NFKBID: variants seen among roughly 807,000 people sequenced by gnomAD.
The protein encoded by NFKBID is NFKB inhibitor delta, also known as NF-kappa-B inhibitor delta.
A neutral mutation model predicts 53.4 loss-of-function variants in NFKBID; 26 were observed. That is an observed-to-expected ratio of 0.49 (90% CI 0.36 to 0.68). NFKBID has a LOEUF of 0.68. NFKBID is among the 30% of genes least tolerant of loss of function. NFKBID has a pLI of 0.00. For synonymous variants in NFKBID, 262 were observed against 259.8 expected (o/e 1.01, Z -0.08); for missense variants, 493 against 614.1 (o/e 0.80, Z 2.08).
chr19:35,895,510 A>C (rs1171102295), intron 9 of NFKBID, among the ~76,000 whole-genome samples: 5 of 151,250 alleles, frequency 3.3e-5, no homozygotes, highest in South Asian at 4.2e-4. Context: ...ACAAACAAAC[A>C]AAAAAACCCT....
At chr19:35,892,901 C>T (rs1974870894) in intron 9 of NFKBID, among the ~76,000 whole-genome samples, 1 of 152,214 alleles carries the variant, frequency 6.6e-6, no homozygotes, top group African/African-American at 2.4e-5. Flanking sequence ...CACAGCAGCT[C>T]ACGCCTGTAA....
intron 9 of NFKBID, among the ~76,000 whole-genome samples, chr19:35,892,067 G>A (rs1974805908): frequency 6.6e-6 from 1 of 150,976 alleles, no homozygotes; most frequent in Non-Finnish European, 1.5e-5. Flanking sequence ...TGTTGTTGTT[G>A]AGAGACAGGG....
At position 35,900,517 on chromosome 19, in the gene NFKBID, C is replaced by T. The variant is rs535201912; in HGVS notation, c.-15G>A. On this transcript the variant is annotated 5_prime_UTR_variant, in exon 1 of 12. Transcript: ENST00000641389. ...CGCTGCGCCAGCCTCGCTGTTTCCC[C>T]CGCGGAGCCGCCGCCGGGTCCCCGA... is the stretch of plus-strand genomic sequence containing the variant. 5 of 1,231,828 alleles carry T rather than the reference C, an allele frequency of 4.1e-6. No individual in the cohort carries two copies. In the South Asian group the frequency reaches 2.1e-4, roughly 51 times the overall value. The allele number at this position is 1,231,828 out of a possible 1,614,324, so 76.3% of individuals were successfully genotyped here. A position where few individuals can be genotyped will look rare whatever the true frequency, so the allele number is the denominator to read the frequency against.
intron 9 of NFKBID, among the ~76,000 whole-genome samples, chr19:35,893,099 G>A (rs1250320669): frequency 6.6e-6 from 1 of 152,140 alleles, no homozygotes; most frequent in African/African-American, 2.4e-5. Context: ...AGGTCAGGAA[G>A]TCGAGGCTGC....
chr19:35,891,448 ATT>A (rs1314608633), intron 9 of NFKBID, among the ~76,000 whole-genome samples: 1 of 152,060 alleles, frequency 6.6e-6, no homozygotes, highest in Non-Finnish European at 1.5e-5. Context: ...TTGGATCTTG[ATT>A]TTTTTTAATG....
rs1974686909 is a variant in NFKBID at position 35,890,507 on chromosome 19, G to A, written c.1033-17C>T. Reference sequence around the variant, plus strand: ...CTTGATCTCCTGAGGGGAAGGGAATGGCAGAGGTCAGGGCCAGCCTCACAC... The same window carrying A: ...CTTGATCTCCTGAGGGGAAGGGAATAGCAGAGGTCAGGGCCAGCCTCACAC... On this transcript the variant is annotated splice_polypyrimidine_tract_variant and intron_variant, in intron 9 of 11. Transcript: ENST00000641389. 6.4e-7 allele frequency: 1 copy of A among 1,570,048 alleles called. No individual in the cohort carries two copies. Among genetic ancestry groups the A allele is most frequent in the Non-Finnish European group, 8.8e-7 (1 of 1,140,092 alleles).
At chr19:35,899,464 G>A (rs899290007) in intron 1 of NFKBID, among the ~76,000 whole-genome samples, 1 of 149,640 alleles carries the variant, frequency 6.7e-6, no homozygotes, top group Non-Finnish European at 1.5e-5. Context: ...TGAGGCAGGG[G>A]AAACACTTGA....
Position 35,900,635 on chromosome 19 carries a change from G to A in NFKBID, c.-133C>T, listed in dbSNP as rs1403334305. The A allele has an allele frequency of 4.9e-6, 6 of 1,228,928 alleles. No individual in the cohort carries two copies. In the South Asian group the frequency reaches 2.1e-4, roughly 43 times the overall value. The allele number at this position is 1,228,928 out of a possible 1,614,324, so 76.1% of individuals were successfully genotyped here. On this transcript the variant is annotated 5_prime_UTR_variant, in exon 1 of 12. Transcript: ENST00000641389. ...CGCCCACAGGCCTGGGAGTCCCCGG[G>A]TCGCGCTCCGGCGAACGCAGTCCCT...
At chr19:35,899,989 G>A (rs944801264) in intron 1 of NFKBID, among the ~76,000 whole-genome samples, 1 of 150,436 alleles carries the variant, frequency 6.6e-6, no homozygotes, top group Admixed American at 6.6e-5. Flanking sequence ...GGGCGGGGCA[G>A]AGGCAGGGTC....
intron 1 of NFKBID, among the ~76,000 whole-genome samples, chr19:35,900,149 A>G (rs1213332488): frequency 7.7e-6 from 1 of 130,208 alleles, no homozygotes; most frequent in Non-Finnish European, 1.6e-5. Flanking sequence ...AGCAACCCCT[A>G]GCACCTCCAA....
At chr19:35,900,352 C>T in intron 1 of NFKBID, 90 bp downstream of exon 1, 1 of 1,008,672 alleles carries the variant, frequency 9.9e-7, no homozygotes, top group Non-Finnish European at 1.3e-6. Flanking sequence ...ACTGACGCTT[C>T]AGCTCCGTCC....
At chr19:35,897,031 G>C in exon 5 of NFKBID, 1 of 1,604,238 alleles carries the variant, frequency 6.2e-7, no homozygotes, top group Non-Finnish European at 8.5e-7. Flanking sequence ...GGTCCTGAAG[G>C]GGGTGCAGAA....
chr19:35,891,792 G>A (rs1252192588), intron 9 of NFKBID, among the ~76,000 whole-genome samples: 3 of 152,174 alleles, frequency 2.0e-5, no homozygotes, highest in Non-Finnish European at 2.9e-5. Flanking sequence ...GCTTGAACCC[G>A]GGAGGCAGAG....
chr19:35,897,954 G>C, intron 3 of NFKBID, 98 bp from the exon 4 acceptor site: 3 of 797,778 alleles, frequency 3.8e-6, no homozygotes, highest in African/African-American at 1.7e-5. Flanking sequence ...GGTACTGAGA[G>C]TTAGTACTTC....
At chr19:35,900,774 G>A (rs958532091), upstream of NFKBID, 1 of 446,716 alleles carries the variant, frequency 2.2e-6, no homozygotes, top group African/African-American at 2.0e-5. Flanking sequence ...CAAGAGGAGG[G>A]AGAAACCGGG....
chr19:35,899,202 T>A (rs8110931), intron 1 of NFKBID, among the ~76,000 whole-genome samples: 2 of 152,106 alleles, frequency 1.3e-5, no homozygotes, highest in African/African-American at 4.8e-5. Flanking sequence ...CTCCCTAGAC[T>A]CACATCCAGG....
At chr19:35,895,934 A>G (rs747266437) in intron 9 of NFKBID, 46 bp downstream of exon 9, 1 of 1,579,926 alleles carries the variant, frequency 6.3e-7, no homozygotes, top group Admixed American at 1.7e-5. Context: ...AAGTGGCCCC[A>G]TTCCACACAA....
chr19:35,897,125 G>T, intron 4 of NFKBID, 67 bp from the exon 5 acceptor site: 1 of 1,531,372 alleles, frequency 6.5e-7, no homozygotes. Flanking sequence ...AGGTGGTGGG[G>T]AGACCCAGTC....
chr19:35,896,009 G>A lies in NFKBID; in HGVS notation c.1003C>T (p.Leu335=), dbSNP rs1450492415. 2 of 1,614,188 alleles carry A rather than the reference G, an allele frequency of 1.2e-6. No homozygotes were observed. Among genetic ancestry groups the A allele is most frequent in the Admixed American group, 3.3e-5 (2 of 60,016 alleles). ...CTGGTGTGATTAGCACCCATTTGCA[G>A]CAACATGTGGACACAATCCAGCCTG... Residue 335 remains leucine, a synonymous_variant, in exon 9 of 12, where the codon CTG becomes TTG. Coordinates refer to ENST00000641389, the Ensembl canonical transcript of NFKBID. The surrounding 1 kb of genome is among the most constrained non-coding windows in gnomAD (Gnocchi z 5.7).
Sources: allele counts gnomAD v4.1 joint callset (sites outside exome capture counted in the v4.1 genomes callset), GRCh38; gene constraint gnomAD v4.1.1; non-coding constraint Gnocchi (gnomAD v3.1); transcripts MANE v1.5; gene names NCBI Gene and HGNC (gene_info 2026-07-23, HGNC 2026-07-21).